Variants in EPS8L2 observed in about 807,000 individuals in gnomAD.
The protein encoded by EPS8L2 is epidermal growth factor receptor kinase substrate 8-like protein 2.
A neutral mutation model predicts 99.4 loss-of-function variants in EPS8L2; 81 were observed. The observed-to-expected ratio is 0.82, with a 90% CI of 0.68 to 0.98. The LOEUF is 0.98. Among genes scored for constraint, EPS8L2 ranks in the 50% least tolerant of loss-of-function variants. The pLI, the probability that EPS8L2 is intolerant of heterozygous loss-of-function variation, is 0.00. For synonymous variants in EPS8L2, 509 were observed against 407.3 expected (o/e 1.25, Z -3.01); for missense variants, 1,155 against 968.8 (o/e 1.19, Z -2.55).
At chr11:725,338 C>T (rs1590057352) in intron 16 of EPS8L2, among the ~76,000 whole-genome samples, 1 of 152,336 alleles carries the variant, frequency 6.6e-6, no homozygotes, top group South Asian at 2.1e-4. Flanking sequence ...CCTCAAAACC[C>T]CATCTCTACA....
chr11:715,044 C>T (rs1390695316), intron 4 of EPS8L2, among the ~76,000 whole-genome samples: 10 of 152,058 alleles, frequency 6.6e-5, no homozygotes, highest in Admixed American at 2.6e-4. Flanking sequence ...AGATCAAGAC[C>T]ATTCTGGCTA....
At chr11:707,346 A>G (rs955108780) in intron 1 of EPS8L2, among the ~76,000 whole-genome samples, 1 of 152,120 alleles carries the variant, frequency 6.6e-6, no homozygotes, top group Non-Finnish European at 1.5e-5. Flanking sequence ...GGCCCCACCC[A>G]GCGCCTATGA....
chr11:711,966 G>C (rs1368115975), intron 4 of EPS8L2, among the ~76,000 whole-genome samples: 4 of 150,816 alleles, frequency 2.7e-5, no homozygotes, highest in Non-Finnish European at 5.9e-5. Context: ...ATGGGCAACA[G>C]AGCGAGACTC....
Position 726,944 on chromosome 11 carries a change from T to G in EPS8L2, c.2111T>G (p.Phe704Cys). The change falls in exon 21 of 21, where the codon TTT becomes TGT. Residue 704 changes from phenylalanine to cysteine, a missense_variant. Transcript: ENST00000318562. ...GSELEELMNK[F>C]HSMNQRRGED... is the part of the protein sequence containing the mutation. ...GAGCTGGAAGAACTCATGAACAAGTTTCATTCCATGAATCAGAGGAGGGGG... is the reference window on the plus strand; with the variant it reads ...GAGCTGGAAGAACTCATGAACAAGTGTCATTCCATGAATCAGAGGAGGGGG... 6.2e-7 allele frequency: 1 copy of G among 1,613,422 alleles called. No homozygotes were observed. The highest frequency in any genetic ancestry group is 8.5e-7 in the Non-Finnish European group (1 of 1,179,924).
intron 4 of EPS8L2, among the ~76,000 whole-genome samples, chr11:711,330 C>CTCTTT (rs1243963205): frequency 6.6e-6 from 1 of 151,726 alleles, no homozygotes; most frequent in African/African-American, 2.4e-5. Context: ...CTCTGTCTCT[C>CTCTTT]TCTTTTCTTT....
rs936051431 is a variant in EPS8L2, at chr11:715,171, G to A, written c.165+4685G>A. ...GCAGGAGAATGGCGTGAACCCCGGAGGCGGAGCTTGCAGTAAGCTGAGATT... is the reference window on the plus strand; with the variant it reads ...GCAGGAGAATGGCGTGAACCCCGGAAGCGGAGCTTGCAGTAAGCTGAGATT... On this transcript the variant is annotated intron_variant, in intron 4 of 20. Coordinates refer to ENST00000318562, the MANE Select transcript of EPS8L2 (RefSeq NM_022772.4). Among the ~76,000 whole-genome samples the A allele has an allele frequency of 2.0e-5, 3 of 152,108 alleles. No homozygotes were observed. The South Asian group carries it at 6.2e-4, about 32-fold the overall frequency.
intron 12 of EPS8L2, 21 bp from the exon 13 acceptor site, chr11:722,380 C>T: frequency 6.2e-7 from 1 of 1,611,184 alleles, no homozygotes. Context: ...TCAGTCCCCT[C>T]TGAACCTCAC....
chr11:713,200 C>T (rs1409110397), intron 4 of EPS8L2, among the ~76,000 whole-genome samples: 1 of 152,180 alleles, frequency 6.6e-6, no homozygotes, highest in African/African-American at 2.4e-5. Flanking sequence ...CACCTGAGCC[C>T]GGGTCCATGG....
chr11:720,008 G>C, intron 4 of EPS8L2, 54 bp from the exon 5 acceptor site: 1 of 1,544,432 alleles, frequency 6.5e-7, no homozygotes. Flanking sequence ...CTGGGGGCTG[G>C]GCTTTCGACA....
intron 17 of EPS8L2, 37 bp from the exon 18 acceptor site, chr11:726,061 G>C: frequency 1.4e-6 from 2 of 1,423,312 alleles, no homozygotes; most frequent in Admixed American, 2.0e-5. Flanking sequence ...AGGCGGGGGC[G>C]GGGCGTGGGG....
chr11:710,284 A>G (rs868417668), intron 3 of EPS8L2, 138 bp from the exon 4 acceptor site: 2 of 772,472 alleles, frequency 2.6e-6, no homozygotes, highest in Non-Finnish European at 4.5e-6. Context: ...TCACACCCAC[A>G]TCCTTCCTGG....
At position 724,837 on chromosome 11, in the gene EPS8L2, GC is replaced by G; in HGVS notation, c.1560+9del. Reference sequence around the variant, plus strand: ...AAGGATGAGGTCCTAGAGGTGAGGGGCTGGAGGACGGGGTCCAAGAGGGGGA... The same window carrying G: ...AAGGATGAGGTCCTAGAGGTGAGGGGTGGAGGACGGGGTCCAAGAGGGGGA... On this transcript the variant is annotated intron_variant, in intron 16 of 20. Coordinates refer to ENST00000318562, the MANE Select transcript of EPS8L2 (RefSeq NM_022772.4). The surrounding 1 kb of genome is among the most constrained non-coding windows in gnomAD (Gnocchi z 5.5). 1.9e-6 allele frequency: 3 copies of G among 1,599,240 alleles called. No individual in the cohort carries two copies. Among genetic ancestry groups the G allele is most frequent in the Non-Finnish European group, 2.6e-6 (3 of 1,167,210 alleles).
At chr11:709,643 G>T (rs760715834) in intron 3 of EPS8L2, 35 bp downstream of exon 3, 1 of 1,604,974 alleles carries the variant, frequency 6.2e-7, no homozygotes, top group South Asian at 1.1e-5. Flanking sequence ...GGACGTCACA[G>T]GGGAGAAATG....
rs528307864 is a variant in EPS8L2 at position 724,218 on chromosome 11, C to T, written c.1455-506C>T. Among the ~76,000 whole-genome samples the T allele has an allele frequency of 4.9e-4, 74 of 152,310 alleles. No homozygotes were observed. Among genetic ancestry groups the T allele is most frequent in the Non-Finnish European group, 9.7e-4 (66 of 68,010 alleles). On this transcript the variant is annotated intron_variant, in intron 15 of 20. Transcript: ENST00000318562. This position sits in a 1 kb window ranked among gnomAD's most constrained non-coding sequence, Gnocchi z 5.5. ...GCTACATGCCAAAGCCAGGACCCCT[C>T]AGCCAGGGCCAGCCCCCCCGCGCTT...
chr11:711,350 CATTTT>C (rs1359415685), intron 4 of EPS8L2, among the ~76,000 whole-genome samples: 1 of 149,062 alleles, frequency 6.7e-6, no homozygotes, highest in African/African-American at 2.5e-5. Context: ...TTCTTTCTTT[CATTTT>C]GAGACAGGGT....
In EPS8L2 at chr11:721,889, G is replaced by A; in HGVS notation, c.896-14G>A. The stretch of plus-strand genomic sequence containing the variant: ...TCAGGGCCAGCCTGGCTCACGCGGT[G>A]CCTCCCATGCCAGAGGGCGTCCTCA... On this transcript the variant is annotated splice_polypyrimidine_tract_variant and intron_variant, in intron 10 of 20. Coordinates refer to ENST00000318562, the MANE Select transcript of EPS8L2 (RefSeq NM_022772.4). 1 of 1,574,574 alleles carries A rather than the reference G, an allele frequency of 6.4e-7. No homozygotes were observed. The highest frequency in any genetic ancestry group is 1.2e-5 in the South Asian group (1 of 86,762).
At chr11:717,559 G>C (rs543874513) in intron 4 of EPS8L2, among the ~76,000 whole-genome samples, 1 of 152,284 alleles carries the variant, frequency 6.6e-6, no homozygotes, top group African/African-American at 2.4e-5. Context: ...ATGACTATTA[G>C]TATTGGGCAA....
In EPS8L2 at chr11:722,097, C is replaced by T. The variant is rs748096336; in HGVS notation, c.991C>T (p.Leu331=). ...CACTTGTTCCCACCCCCAGGCAAAG[C>T]TGCAGAAGCACATCCAGAACCCCAG... ...IKLAINLLAK[L]QKHIQNPSAA... is the part of the protein sequence containing the mutation. Residue 331 remains leucine, a synonymous_variant, in exon 12 of 21, where the codon CTG becomes TTG. Coordinates refer to ENST00000318562, the MANE Select transcript of EPS8L2 (RefSeq NM_022772.4). 7 of 1,613,038 alleles carry T rather than the reference C, an allele frequency of 4.3e-6. No individual in the cohort carries two copies. The Admixed American group carries it at 1.0e-4, about 23-fold the overall frequency.
Position 721,109 on chromosome 11 carries a change from TC to T in EPS8L2, c.607del (p.Gln203ArgfsTer50), listed in dbSNP as rs1284887595. ...IRQRQSILPP[P>X]QGPAPIPFQH... ...GGCAGCGGCAGTCCATCCTGCCTCC[TC>T]CCCAGGGCCCGGCGCCCATCCCCTT... On this transcript the variant is annotated frameshift_variant, in exon 8 of 21. Coordinates refer to ENST00000318562, the MANE Select transcript of EPS8L2 (RefSeq NM_022772.4). LOFTEE classifies it high-confidence loss of function. The T allele has an allele frequency of 1.3e-6, 2 of 1,531,158 alleles. No homozygotes were observed. The highest frequency in any genetic ancestry group is 8.8e-7 in the Non-Finnish European group (1 of 1,141,342). The allele number at this position is 1,531,158 out of a possible 1,614,324, so 94.8% of individuals were successfully genotyped here. A position where few individuals can be genotyped will look rare whatever the true frequency, so the allele number is the denominator to read the frequency against.
Sources: allele counts gnomAD v4.1 joint callset (sites outside exome capture counted in the v4.1 genomes callset), GRCh38; gene constraint gnomAD v4.1.1; non-coding constraint Gnocchi (gnomAD v3.1); transcripts MANE v1.5; gene names NCBI Gene and HGNC (gene_info 2026-07-23, HGNC 2026-07-21).